TRANK1: variants seen among roughly 807,000 people sequenced by gnomAD.
TRANK1 encodes tetratricopeptide repeat and ankyrin repeat containing 1, also known as TPR and ankyrin repeat-containing protein 1.
Under a neutral mutation model 266.0 loss-of-function variants are expected in TRANK1, and 198 were observed. The ratio of observed to expected loss-of-function variants is 0.74; its 90% CI spans 0.66 to 0.84. The LOEUF (loss-of-function observed/expected upper bound fraction) is 0.84, where lower values mean the gene tolerates loss of function less well. TRANK1 is among the 40% of genes least tolerant of loss of function. The pLI, the probability that TRANK1 is intolerant of heterozygous loss-of-function variation, is 0.00. For synonymous variants in TRANK1, 1,396 were observed against 1,384.1 expected, an observed-to-expected ratio of 1.01 and a Z score of -0.19; for missense variants, 3,326 against 3,634.6, an observed-to-expected ratio of 0.92 and a Z score of 2.18.
In TRANK1 at chr3:36,899,250, G is replaced by T. The variant is rs9864910; in HGVS notation, c.292C>A (p.Arg98=). ...WDPTYVKGYY[R]AGYSLLRLHQ... ...AACCTCAGCAAGGAATAACCAGCTC[G>T]GTAGTATCCCTGGAACAGGATAAAA... Residue 98 remains arginine (R), a synonymous_variant, in exon 4 of 24, where the codon CGA becomes AGA. Transcript: ENST00000645898. 387,301 of 1,536,920 alleles carry T rather than the reference G, an allele frequency of 0.25. 52,199 individuals are homozygous for T. The highest frequency in any genetic ancestry group is 0.54 in the East Asian group (22,285 of 40,890).
At chr3:36,840,819 T>G (rs902428884) in intron 18 of TRANK1, among the ~76,000 whole-genome samples, 4 of 151,990 alleles carry the variant, frequency 2.6e-5, no homozygotes, top group African/African-American at 9.7e-5. Context: ...ACACATGAGG[T>G]GCTCAGCTGA....
At chr3:36,889,786 C>T (rs754923769) in intron 8 of TRANK1, 43 bp downstream of exon 8, 1 of 1,498,234 alleles carries the variant, frequency 6.7e-7, no homozygotes, top group African/African-American at 1.4e-5. Context: ...AAGCCTGACA[C>T]CAGCCAGCCA....
rs2080004927 is a variant in TRANK1 at position 36,908,435 on chromosome 3, C to T, written c.43G>A (p.Ala15Thr). 8.9e-6 allele frequency: 11 copies of T among 1,232,092 alleles called. No individual in the cohort carries two copies. The highest frequency in any genetic ancestry group is 6.3e-5 in the East Asian group (2 of 31,724). The allele number at this position is 1,232,092 out of a possible 1,614,324, so 76.3% of individuals were successfully genotyped here. The change falls in exon 2 of 24, where the codon GCT becomes ACT. Residue 15 changes from alanine to threonine, a missense_variant. Physicochemically the swap from Ala to Thr is moderately conservative, Grantham distance 58. Transcript: ENST00000645898. ...TTGCCGGATTCTTTCAGCAGCTCAG[C>T]GTAAGCTGTCAGGTCCATCCTGTGA... ...RAARMDLTAYAELLKESGNQV... is the reference protein window; with the variant it reads ...RAARMDLTAYTELLKESGNQV...
Position 36,831,021 on chromosome 3 carries a change from C to G in TRANK1, c.8562G>C (p.Leu2854=), listed in dbSNP as rs761731379. 54 of 1,613,924 alleles carry G rather than the reference C, an allele frequency of 3.3e-5. No homozygotes were observed. The highest frequency in any genetic ancestry group is 4.4e-5 in the Non-Finnish European group (52 of 1,179,914). Reference sequence around the variant, plus strand: ...CACTTTGCTCGATGTCCTGCACCACCAGCTTGCCTTCATCAATGGCCGGGT... The same window carrying G: ...CACTTTGCTCGATGTCCTGCACCACGAGCTTGCCTTCATCAATGGCCGGGT... ...KVDPAIDEGK[L]VVQDIEQSVW... Residue 2854 remains leucine (L), a synonymous_variant, in exon 22 of 24, where the codon CTG becomes CTC. Coordinates refer to ENST00000645898, the MANE Select transcript of TRANK1 (RefSeq NM_001329998.2). The surrounding 1 kb of genome is among the most constrained non-coding windows in gnomAD (Gnocchi z 5.0).
intron 15 of TRANK1, among the ~76,000 whole-genome samples, chr3:36,849,713 C>A (rs148108758): frequency 2.5e-4 from 38 of 152,314 alleles, no homozygotes; most frequent in East Asian, 9.6e-4. Context: ...ATATATGGGA[C>A]CTGTCTTTCC....
At chr3:36,916,748 T>C (rs2080129526) in intron 1 of TRANK1, among the ~76,000 whole-genome samples, 1 of 152,146 alleles carries the variant, frequency 6.6e-6, no homozygotes, top group Non-Finnish European at 1.5e-5. Flanking sequence ...AAATTTTACT[T>C]TGCATTACAG....
In TRANK1 at chr3:36,831,976, T is replaced by G; in HGVS notation, c.7607A>C (p.Tyr2536Ser). 6.2e-7 allele frequency: 1 copy of G among 1,614,022 alleles called. No homozygotes were observed. The highest frequency in any genetic ancestry group is 2.2e-5 in the East Asian group (1 of 44,882). The change falls in exon 22 of 24, where the codon TAT becomes TCT. Residue 2536 changes from tyrosine (Y) to serine (S), a missense_variant. Transcript: ENST00000645898. This position sits in a 1 kb window ranked among gnomAD's most constrained non-coding sequence, Gnocchi z 5.0. ...CAGGACGTTGAAGTTCACATTCTCA[T>G]AGCCACATAGCACCTTGGCGAGGTA... ...LSYLAKVLCG[Y>S]ENVNFNVLLD... is the part of the protein sequence containing the mutation.
intron 1 of TRANK1, among the ~76,000 whole-genome samples, chr3:36,927,686 A>T (rs1336729010): frequency 6.6e-6 from 1 of 152,194 alleles, no homozygotes; most frequent in Non-Finnish European, 1.5e-5. Context: ...CTCACCCCCA[A>T]CAATATTTGA....
At chr3:36,917,730 GC>G (rs2080145908) in intron 1 of TRANK1, among the ~76,000 whole-genome samples, 1 of 152,134 alleles carries the variant, frequency 6.6e-6, no homozygotes, top group South Asian at 2.1e-4. Context: ...CCTATAGCAT[GC>G]ATTCTCAATG....
rs1436683434 is a variant in TRANK1, at chr3:36,874,143, C to A, written c.1061G>T (p.Cys354Phe). ...AGCTGTACCTGATAGGTCCTTAGAA[C>A]ACGTAGCTAGCTTTTCTAAGTGACT... Reference protein sequence around the residue: ...INSHLEKLATCSKDLSGFSNG... With the variant: ...INSHLEKLATFSKDLSGFSNG... Residue 354 changes from cysteine (C) to phenylalanine (F), a missense_variant, in exon 9 of 24, where the codon TGT becomes TTT. Transcript: ENST00000645898. 1.3e-5 allele frequency: 20 copies of A among 1,537,150 alleles called. No homozygotes were observed. In the East Asian group the frequency reaches 4.9e-4, roughly 38 times the overall value.
At chr3:36,883,078 T>G (rs2079553216) in intron 8 of TRANK1, among the ~76,000 whole-genome samples, 1 of 152,012 alleles carries the variant, frequency 6.6e-6, no homozygotes, top group East Asian at 1.9e-4. Flanking sequence ...GTTGATAATA[T>G]CTAACAAAAC....
At chr3:36,860,859 G>A in intron 11 of TRANK1, 47 bp downstream of exon 11, 1 of 1,530,218 alleles carries the variant, frequency 6.5e-7, no homozygotes, top group African/African-American at 1.4e-5. Flanking sequence ...TCCATCACGT[G>A]GAGAATGTGG....
At position 36,856,251 on chromosome 3, in the gene TRANK1, C is replaced by A; in HGVS notation, c.3471G>T (p.Glu1157Asp). The change falls in exon 13 of 24, where the codon GAG becomes GAT. Residue 1157 changes from glutamate to aspartate, a missense_variant. By Grantham distance (45) the Glu-to-Asp change is conservative (BLOSUM62 2). Transcript: ENST00000645898. ...VETVESIDEQEYEACAGGAGV... is the reference protein window; with the variant it reads ...VETVESIDEQDYEACAGGAGV... ...CGGCTCCTCCTGCGCAGGCTTCATA[C>A]TCCTGCTCATCTATGCTTTCTACTG... 6.2e-7 allele frequency: 1 copy of A among 1,611,698 alleles called. No individual in the cohort carries two copies. Among genetic ancestry groups the A allele is most frequent in the East Asian group, 2.2e-5 (1 of 44,812 alleles).
At chr3:36,929,096 GA>G (rs2080326859) in intron 1 of TRANK1, among the ~76,000 whole-genome samples, 1 of 150,630 alleles carries the variant, frequency 6.6e-6, no homozygotes, top group Non-Finnish European at 1.5e-5. Context: ...TAAAAGAGTA[GA>G]AAAGGGAATC....
chr3:36,918,144 G>A (rs1165726650), intron 1 of TRANK1, among the ~76,000 whole-genome samples: 1 of 152,108 alleles, frequency 6.6e-6, no homozygotes, highest in Non-Finnish European at 1.5e-5. Flanking sequence ...AGTGAAATAA[G>A]CCAGTCACCA....
At chr3:36,869,998 T>C (rs2079282705) in intron 9 of TRANK1, among the ~76,000 whole-genome samples, 1 of 152,248 alleles carries the variant, frequency 6.6e-6, no homozygotes, top group African/African-American at 2.4e-5. Flanking sequence ...AATGTATGCA[T>C]GTAACTCTAT....
rs2078709841 is a variant in TRANK1 at position 36,832,466 on chromosome 3, C to T, written c.7117G>A (p.Gly2373Ser). Reference sequence around the variant, plus strand: ...TTTATCCTGCTGCCTCTCCCCCTGCCCCTTTCATCCTTTTCAGACTCTAGA... The same window carrying T: ...TTTATCCTGCTGCCTCTCCCCCTGCTCCTTTCATCCTTTTCAGACTCTAGA... ...KALESEKDER[G>S]RGRGSRIKGI... is the part of the protein sequence containing the mutation. The change falls in exon 22 of 24, where the codon GGC becomes AGC. Residue 2373 changes from glycine (G) to serine (S), a missense_variant. Transcript: ENST00000645898. The T allele has an allele frequency of 3.1e-6, 5 of 1,613,918 alleles. No individual in the cohort carries two copies. The highest frequency in any genetic ancestry group is 3.4e-6 in the Non-Finnish European group (4 of 1,179,880).
At position 36,839,035 on chromosome 3, in the gene TRANK1, T is replaced by C. The variant is rs143889504; in HGVS notation, c.5281-319A>G. ...CAGCAATAAGTATCATCCTTCTCATTGTATATAGTTGCTACTTCAGGTCAG... is the reference window on the plus strand; with the variant it reads ...CAGCAATAAGTATCATCCTTCTCATCGTATATAGTTGCTACTTCAGGTCAG... On this transcript the variant is annotated intron_variant, in intron 18 of 23. Coordinates refer to ENST00000645898, the MANE Select transcript of TRANK1 (RefSeq NM_001329998.2). Among the ~76,000 whole-genome samples the C allele has an allele frequency of 1.6e-4, 24 of 152,328 alleles. No individual in the cohort carries two copies. In the East Asian group the frequency reaches 4.6e-3, roughly 29 times the overall value.
intron 2 of TRANK1, among the ~76,000 whole-genome samples, 175 bp from the exon 3 acceptor site, chr3:36,903,450 A>G (rs935687315): frequency 2.6e-5 from 4 of 152,250 alleles, no homozygotes; most frequent in Non-Finnish European, 5.9e-5. Flanking sequence ...AACATTTACA[A>G]TATATAAATC....
Sources: gnomAD v4.1 joint callset for allele counts (sites outside exome capture counted in the v4.1 genomes callset) on GRCh38, gnomAD v4.1.1 for gene constraint, Gnocchi (gnomAD v3.1) non-coding constraint, MANE v1.5 for transcripts, NCBI Gene and HGNC (gene_info 2026-07-23, HGNC 2026-07-21) for gene names.